The following NXN variants were observed in gnomAD, a reference collection of about 807,000 sequenced individuals.
The protein encoded by NXN is nucleoredoxin 1.
In NXN, 16 loss-of-function variants were observed where a neutral mutation model predicts 48.6. That is an observed-to-expected ratio of 0.33 (90% confidence interval 0.22 to 0.50). The LOEUF is 0.50. Among genes scored for constraint, NXN ranks in the 20% least tolerant of loss-of-function variants. NXN has a pLI of 0.98. For synonymous variants in NXN, 281 were observed against 269.6 expected (o/e 1.04, Z -0.41); for missense variants, 492 against 605.5 (o/e 0.81, Z 1.97).
chr17:883,168 C>T (rs780624874), intron 1 of NXN, among the ~76,000 whole-genome samples: 6 of 152,226 alleles, frequency 3.9e-5, no homozygotes, highest in Admixed American at 3.9e-4. Flanking sequence ...AAAAAACACA[C>T]ACCAGGGCCT....
intron 1 of NXN, among the ~76,000 whole-genome samples, chr17:922,888 T>C (rs551075862): frequency 6.6e-6 from 1 of 152,002 alleles, no homozygotes; most frequent in East Asian, 2.0e-4. Flanking sequence ...CCTGACCTCA[T>C]GATCCACCTG....
In NXN at chr17:823,296, G is replaced by A. The variant is rs1912917232; in HGVS notation, c.612+336C>T. ...CACCTGTAATCCCAGCTACTCTGGA[G>A]GCTGAGGCAGGAGAATCACTTGAAC... is the stretch of plus-strand genomic sequence containing the variant. On this transcript the variant is annotated intron_variant, in intron 3 of 7. Coordinates refer to ENST00000336868, the MANE Select transcript of NXN (RefSeq NM_022463.5). Among the ~76,000 whole-genome samples, 3 of 151,454 alleles carry A rather than the reference G, an allele frequency of 2.0e-5. No individual in the cohort carries two copies. In the South Asian group the frequency reaches 6.3e-4, roughly 32 times the overall value.
intron 1 of NXN, among the ~76,000 whole-genome samples, chr17:891,932 AAC>A (rs2068424875): frequency 2.1e-5 from 3 of 143,910 alleles, no homozygotes; most frequent in Non-Finnish European, 4.5e-5. Flanking sequence ...TGCACAACCC[AAC>A]AGGGAACCTA....
intron 5 of NXN, among the ~76,000 whole-genome samples, chr17:813,034 A>ATTC (rs1912252889): frequency 6.6e-6 from 1 of 151,448 alleles, no homozygotes; most frequent in African/African-American, 2.4e-5. Flanking sequence ...CGCGTGTGTG[A>ATTC]ATGTGTGAGC....
intron 1 of NXN, among the ~76,000 whole-genome samples, chr17:914,836 T>C (rs9910174): frequency 0.24 from 35,867 of 151,920 alleles, 4,452 homozygotes; most frequent in East Asian, 0.33. Context: ...AGCTGATGAG[T>C]GCGTGGAACC....
intron 1 of NXN, among the ~76,000 whole-genome samples, chr17:892,946 G>A (rs2068439020): frequency 6.6e-6 from 1 of 152,186 alleles, no homozygotes; most frequent in Admixed American, 6.5e-5. Flanking sequence ...AATGCAAGAT[G>A]GTAATGACAG....
chr17:862,032 C>T (rs534314830), intron 1 of NXN, among the ~76,000 whole-genome samples: 19 of 151,984 alleles, frequency 1.3e-4, no homozygotes, highest in South Asian at 2.1e-4. Flanking sequence ...GGTTTCACCA[C>T]GTTTCCCAGG....
At chr17:915,585 T>C (rs1468210354) in intron 1 of NXN, among the ~76,000 whole-genome samples, 1 of 152,156 alleles carries the variant, frequency 6.6e-6, no homozygotes, top group Non-Finnish European at 1.5e-5. Flanking sequence ...ACACCTGGAC[T>C]CTAGGAAATT....
intron 1 of NXN, among the ~76,000 whole-genome samples, chr17:947,857 G>A (rs1274806159): frequency 5.0e-5 from 7 of 140,376 alleles, no homozygotes; most frequent in South Asian, 4.5e-4. Flanking sequence ...TGGGCAACAC[G>A]GTGAAACTCC....
intron 1 of NXN, among the ~76,000 whole-genome samples, chr17:842,143 A>C (rs1030703560): frequency 9.9e-5 from 15 of 152,114 alleles, no homozygotes; most frequent in African/African-American, 3.6e-4. Context: ...CTCAAAAACA[A>C]AACAAAAAAC....
At chr17:975,687 C>A (rs2069449689) in intron 1 of NXN, among the ~76,000 whole-genome samples, 1 of 152,242 alleles carries the variant, frequency 6.6e-6, no homozygotes, top group African/African-American at 2.4e-5. Flanking sequence ...TGCACCCACA[C>A]TGACCATATG....
intron 1 of NXN, among the ~76,000 whole-genome samples, chr17:840,948 G>T (rs1338632481): frequency 6.6e-6 from 1 of 152,176 alleles, no homozygotes; most frequent in African/African-American, 2.4e-5. Context: ...TGTTCTGGCA[G>T]CCCCCACTCC....
intron 1 of NXN, among the ~76,000 whole-genome samples, chr17:931,752 A>G (rs62067213): frequency 6.9e-5 from 10 of 145,180 alleles, no homozygotes; most frequent in African/African-American, 2.3e-4. Context: ...GGAGAATAGC[A>G]TGAACCCGGG....
chr17:860,671 G>C (rs1029785398), intron 1 of NXN, among the ~76,000 whole-genome samples: 2 of 152,298 alleles, frequency 1.3e-5, no homozygotes, highest in Non-Finnish European at 2.9e-5. Flanking sequence ...TGGGATGACA[G>C]GCGTGAGCCG....
intron 1 of NXN, chr17:896,859 C>CGGGGGCGG: frequency 1.8e-6 from 1 of 541,044 alleles, no homozygotes; most frequent in Non-Finnish European, 2.9e-6. Context: ...TCCTGACCAC[C>CGGGGGCGG]CGCCCCCGGC....
intron 1 of NXN, among the ~76,000 whole-genome samples, chr17:852,923 G>A (rs561213527): frequency 2.0e-5 from 3 of 152,216 alleles, no homozygotes; most frequent in African/African-American, 7.2e-5. Context: ...CAGATTTCCA[G>A]GCCCCACCTC....
chr17:832,238 C>T (rs941921949), intron 1 of NXN, among the ~76,000 whole-genome samples: 9 of 151,820 alleles, frequency 5.9e-5, no homozygotes, highest in African/African-American at 9.7e-5. Flanking sequence ...AGTGCAGTGG[C>T]GCGATCTCGG....
chr17:803,582 G>GACCCTGGGGTCCTTTCAGGCA, intron 7 of NXN, 100 bp downstream of exon 7: 1 of 1,489,418 alleles, frequency 6.7e-7, no homozygotes, highest in African/African-American at 1.4e-5. Flanking sequence ...AGGCAGCCCT[G>GACCCTGGGGTCCTTTCAGGCA]ACCCTGGGGT....
intron 1 of NXN, among the ~76,000 whole-genome samples, chr17:971,436 C>A (rs574150838): frequency 1.3e-5 from 2 of 151,978 alleles, no homozygotes; most frequent in Admixed American, 6.6e-5. Flanking sequence ...ACAGACCGAG[C>A]GCGGTGGCTC....
Sources: allele counts gnomAD v4.1 joint callset (sites outside exome capture counted in the v4.1 genomes callset), GRCh38; gene constraint gnomAD v4.1.1; transcripts MANE v1.5; gene names NCBI Gene and HGNC (gene_info 2026-07-23, HGNC 2026-07-21).